The following RANBP2 variants were observed in gnomAD, a reference collection of about 807,000 sequenced individuals.
The protein encoded by RANBP2 is E3 SUMO-protein ligase RanBP2.
Under a neutral mutation model 303.6 loss-of-function variants are expected in RANBP2, and 57 were observed. The observed-to-expected ratio is 0.19, with a 90% CI of 0.15 to 0.23. RANBP2 has a LOEUF of 0.23. Among genes scored for constraint, RANBP2 ranks in the 10% least tolerant of loss-of-function variants. The pLI is 1.00. For synonymous variants in RANBP2, 1,167 were observed against 1,301.5 expected (o/e 0.90, Z 2.23); for missense variants, 3,138 against 3,780.8 (o/e 0.83, Z 4.46).
the RANBP2 span, among the ~76,000 whole-genome samples, chr2:109,541,540 C>T: frequency 6.6e-6 from 1 of 152,168 alleles, no homozygotes; most frequent in Non-Finnish European, 1.5e-5. Flanking sequence ...TCAATGGCTC[C>T]CACTGCCTGC....
chr2:109,585,247 G>C, the RANBP2 span: 1 of 1,613,278 alleles, frequency 6.2e-7, no homozygotes, highest in South Asian at 1.1e-5. Context: ...GGGCAAAAAT[G>C]TGAGGATTCA....
At chr2:109,499,404 A>T in the RANBP2 span, among the ~76,000 whole-genome samples, 1 of 152,182 alleles carries the variant, frequency 6.6e-6, no homozygotes, top group Non-Finnish European at 1.5e-5. Flanking sequence ...CACATGTGGG[A>T]TCTGGGCTTT....
the RANBP2 span, among the ~76,000 whole-genome samples, chr2:108,949,009 C>T: frequency 6.6e-6 from 1 of 152,184 alleles, no homozygotes; most frequent in African/African-American, 2.4e-5. Context: ...CAGAGTCTCA[C>T]TCTGTCACCC....
chr2:109,541,891 T>C, the RANBP2 span, among the ~76,000 whole-genome samples: 1 of 152,164 alleles, frequency 6.6e-6, no homozygotes, highest in African/African-American at 2.4e-5. Context: ...CATGTGTGTG[T>C]CCCCATTTCC....
At chr2:109,591,573 A>G in the RANBP2 span, among the ~76,000 whole-genome samples, 1 of 152,202 alleles carries the variant, frequency 6.6e-6, no homozygotes. Context: ...CAGTTATTGG[A>G]GCACAGAACT....
the RANBP2 span, among the ~76,000 whole-genome samples, chr2:109,357,208 G>T: frequency 4.6e-5 from 7 of 151,036 alleles, no homozygotes; most frequent in Non-Finnish European, 8.8e-5. Flanking sequence ...TTGAGACGGA[G>T]TCTTACTCTG....
chr2:109,040,880 C>G, the RANBP2 span, among the ~76,000 whole-genome samples: 1 of 151,992 alleles, frequency 6.6e-6, no homozygotes, highest in East Asian at 1.9e-4. Context: ...ACAGTGAAAC[C>G]CCGTATCTAC....
chr2:109,191,224 A>G, the RANBP2 span, among the ~76,000 whole-genome samples: 85 of 152,292 alleles, frequency 5.6e-4, no homozygotes, highest in Middle Eastern at 3.4e-3. Flanking sequence ...CACCTAGGAC[A>G]TGTGCTTAAA....
At chr2:109,536,429 G>A in the RANBP2 span, among the ~76,000 whole-genome samples, 1 of 152,156 alleles carries the variant, frequency 6.6e-6, no homozygotes, top group African/African-American at 2.4e-5. Context: ...GACTTGCATG[G>A]AGGCCTGTAG....
chr2:108,835,113 A>G, the RANBP2 span, among the ~76,000 whole-genome samples: 1 of 152,212 alleles, frequency 6.6e-6, no homozygotes, highest in Non-Finnish European at 1.5e-5. Context: ...TGGAGATCTC[A>G]TCTCTTTTTA....
At chr2:108,885,531 C>T in the RANBP2 span, 1 of 152,004 alleles carries the variant, frequency 6.6e-6, no homozygotes, top group Non-Finnish European at 1.5e-5. Context: ...TTAATGAGAC[C>T]AGACTTTTTA....
At chr2:109,325,268 C>T in the RANBP2 span, among the ~76,000 whole-genome samples, 7 of 149,914 alleles carry the variant, frequency 4.7e-5, no homozygotes, top group East Asian at 9.8e-4. Context: ...GCCAAGAAAT[C>T]GTAGAATCCC....
At chr2:109,708,080 A>G in the RANBP2 span, among the ~76,000 whole-genome samples, 1 of 152,328 alleles carries the variant, frequency 6.6e-6, no homozygotes, top group Middle Eastern at 3.4e-3. Context: ...ACCCCAGGTC[A>G]GGCACAGTAG....
the RANBP2 span, chr2:109,613,111 C>G: frequency 6.1e-6 from 7 of 1,148,214 alleles, no homozygotes; most frequent in Non-Finnish European, 8.1e-6. Flanking sequence ...TCACTCCATA[C>G]CATGTAGCCT....
chr2:109,067,287 G>T, the RANBP2 span, among the ~76,000 whole-genome samples: 1 of 152,192 alleles, frequency 6.6e-6, no homozygotes, highest in Non-Finnish European at 1.5e-5. Context: ...TTGTCCTGCT[G>T]TGTATAATTA....
chr2:109,298,083 T>C, the RANBP2 span, among the ~76,000 whole-genome samples: 1 of 152,250 alleles, frequency 6.6e-6, no homozygotes, highest in Non-Finnish European at 1.5e-5. Flanking sequence ...TGGGGATCTG[T>C]CCCACTCAAA....
At chr2:109,125,154 G>A in the RANBP2 span, among the ~76,000 whole-genome samples, 1 of 152,154 alleles carries the variant, frequency 6.6e-6, no homozygotes, top group Non-Finnish European at 1.5e-5. Flanking sequence ...ACAGGCTGCA[G>A]GCACTGCTGC....
At chr2:109,595,374 C>T in the RANBP2 span, among the ~76,000 whole-genome samples, 2 of 152,156 alleles carry the variant, frequency 1.3e-5, no homozygotes, top group South Asian at 2.1e-4. Flanking sequence ...GATTTTAATA[C>T]CTGGCTTCAG....
chr2:109,004,902 G>A, the RANBP2 span, among the ~76,000 whole-genome samples: 1 of 152,026 alleles, frequency 6.6e-6, no homozygotes, highest in Admixed American at 6.6e-5. Flanking sequence ...ATTGAACAAG[G>A]GCATGCTCTG....
Sources: gnomAD v4.1 joint callset for allele counts (sites outside exome capture counted in the v4.1 genomes callset) on GRCh38, gnomAD v4.1.1 for gene constraint, MANE v1.5 for transcripts, NCBI Gene and HGNC (gene_info 2026-07-23, HGNC 2026-07-21) for gene names.